Variants in MELTF observed in about 807,000 individuals in gnomAD.
MELTF encodes melanotransferrin, also known as antigen p97 (melanoma associated) identified by monoclonal antibodies 133.2 and 96.5.
A neutral mutation model predicts 83.7 loss-of-function variants in MELTF; 67 were observed. The ratio of observed to expected loss-of-function variants is 0.80; its 90% CI spans 0.66 to 0.98. MELTF has a LOEUF of 0.98. Ranked by LOEUF, MELTF falls within the 50% of genes least tolerant of loss-of-function variation. The pLI is 0.00. For synonymous variants in MELTF, 462 were observed against 447.6 expected (o/e 1.03, Z -0.41); for missense variants, 1,002 against 1,035.6 (o/e 0.97, Z 0.44).
In MELTF at chr3:197,016,089, C is replaced by T. The variant is rs1185637306; in HGVS notation, c.1081+100G>A. 3.7e-6 allele frequency: 4 copies of T among 1,094,848 alleles called. No homozygotes were observed. In the East Asian group the frequency reaches 8.7e-5, roughly 24 times the overall value. The allele number at this position is 1,094,848 out of a possible 1,614,324, so 67.8% of individuals were successfully genotyped here. A position where few individuals can be genotyped will look rare whatever the true frequency, so the allele number is the denominator to read the frequency against. On this transcript the variant is annotated intron_variant, in intron 8 of 15. Transcript: ENST00000296350. ...AATGACAGGTTCCCGCAGAGGCCTCCCTGGTGAGCGTCTTCCCCCGGCCAC... is the reference window on the plus strand; with the variant it reads ...AATGACAGGTTCCCGCAGAGGCCTCTCTGGTGAGCGTCTTCCCCCGGCCAC...
chr3:197,003,221 T>G lies in MELTF; in HGVS notation c.*151A>C. ...CGGCGCCTCAGGTAGCAGCGCCAGG[T>G]GGCGCCCGTGGGCGGCGGGGCTCCC... On this transcript the variant is annotated 3_prime_UTR_variant, in exon 16 of 16. Coordinates refer to ENST00000296350, the MANE Select transcript of MELTF (RefSeq NM_005929.6). The surrounding 1 kb of genome is among the most constrained non-coding windows in gnomAD (Gnocchi z 6.2). The G allele has an allele frequency of 1.2e-6, 1 of 868,522 alleles. No homozygotes were observed. Among genetic ancestry groups the G allele is most frequent in the Non-Finnish European group, 1.4e-6 (1 of 717,574 alleles). 53.8% of individuals were successfully genotyped at this position (868,522 alleles called of 1,614,324 possible).
At position 197,008,364 on chromosome 3, in the gene MELTF, A is replaced by AG. The variant is rs1485419700; in HGVS notation, c.1750+292dup. ...TTGGCACTACATCAATACTCCCAGA[A>AG]GGGGGTCTTTCCAGATTGACTGGGA... On this transcript the variant is annotated intron_variant, in intron 13 of 15. Coordinates refer to ENST00000296350, the MANE Select transcript of MELTF (RefSeq NM_005929.6). This position sits in a 1 kb window ranked among gnomAD's most constrained non-coding sequence, Gnocchi z 5.4. Among the ~76,000 whole-genome samples, 2 of 152,158 alleles carry AG rather than the reference A, an allele frequency of 1.3e-5. No homozygotes were observed. Among genetic ancestry groups the AG allele is most frequent in the Non-Finnish European group, 2.9e-5 (2 of 68,020 alleles).
chr3:197,004,222 C>G, intron 14 of MELTF, 123 bp from the exon 15 acceptor site: 1 of 899,210 alleles, frequency 1.1e-6, no homozygotes, highest in Non-Finnish European at 1.8e-6. Flanking sequence ...TTTCAGGGCC[C>G]CACCACTCTG....
rs768084811 is a variant in MELTF, at chr3:197,024,498, G to C, written c.305-13C>G. On this transcript the variant is annotated splice_polypyrimidine_tract_variant and intron_variant, in intron 3 of 15. Transcript: ENST00000296350. The surrounding 1 kb of genome is among the most constrained non-coding windows in gnomAD (Gnocchi z 5.3). ...GAGGTACCGACCTCTAGGAGGGGAGGGGAGTGGGTGAGGGCAGCAGGGAGA... is the reference window on the plus strand; with the variant it reads ...GAGGTACCGACCTCTAGGAGGGGAGCGGAGTGGGTGAGGGCAGCAGGGAGA... 1 of 1,561,848 alleles carries C rather than the reference G, an allele frequency of 6.4e-7. No homozygotes were observed. The highest frequency in any genetic ancestry group is 8.7e-7 in the Non-Finnish European group (1 of 1,146,304).
In MELTF at chr3:197,007,023, G is replaced by A. The variant is rs1234410157; in HGVS notation, c.1751-287C>T. ...GTTGCTTGATCCCCACAACAGTAAC[G>A]CAGGGTAGGTGTTTTTGTCCCCATT... On this transcript the variant is annotated intron_variant, in intron 13 of 15. Coordinates refer to ENST00000296350, the MANE Select transcript of MELTF (RefSeq NM_005929.6). This position sits in a 1 kb window ranked among gnomAD's most constrained non-coding sequence, Gnocchi z 4.3. Among the ~76,000 whole-genome samples, 1 of 152,136 alleles carries A rather than the reference G, an allele frequency of 6.6e-6. No individual in the cohort carries two copies. Among genetic ancestry groups the A allele is most frequent in the Admixed American group, 6.5e-5 (1 of 15,282 alleles).
At position 197,003,230 on chromosome 3, in the gene MELTF, T is replaced by C. The variant is rs1577921749; in HGVS notation, c.*142A>G. On this transcript the variant is annotated 3_prime_UTR_variant, in exon 16 of 16. Coordinates refer to ENST00000296350, the MANE Select transcript of MELTF (RefSeq NM_005929.6). The surrounding 1 kb of genome is among the most constrained non-coding windows in gnomAD (Gnocchi z 6.2). ...AGGTAGCAGCGCCAGGTGGCGCCCGTGGGCGGCGGGGCTCCCGGGGAGGCG... is the reference window on the plus strand; with the variant it reads ...AGGTAGCAGCGCCAGGTGGCGCCCGCGGGCGGCGGGGCTCCCGGGGAGGCG... 1 of 933,258 alleles carries C rather than the reference T, an allele frequency of 1.1e-6. No homozygotes were observed. Among genetic ancestry groups the C allele is most frequent in the Non-Finnish European group, 1.3e-6 (1 of 776,176 alleles). 57.8% of individuals were successfully genotyped at this position (933,258 alleles called of 1,614,324 possible). A position where few individuals can be genotyped will look rare whatever the true frequency, so the allele number is the denominator to read the frequency against.
Position 197,023,095 on chromosome 3 carries a change from C to T in MELTF, c.506G>A (p.Gly169Glu). The T allele has an allele frequency of 6.2e-7, 1 of 1,613,722 alleles. No individual in the cohort carries two copies. Among genetic ancestry groups the T allele is most frequent in the Non-Finnish European group, 8.5e-7 (1 of 1,180,016 alleles). Residue 169 changes from glycine to glutamate, a missense_variant, in exon 5 of 16, where the codon GGG becomes GAG. Transcript: ENST00000296350. Reference protein sequence around the residue: ...DVLKAVSDYFGGSCVPGAGET... With the variant: ...DVLKAVSDYFEGSCVPGAGET... Reference sequence around the variant, plus strand: ...TCCTGCCCCCGGGACGCAGCTGCCCCCAAAATAGTCGCTGACAGCTGTGGG... The same window carrying T: ...TCCTGCCCCCGGGACGCAGCTGCCCTCAAAATAGTCGCTGACAGCTGTGGG...
chr3:197,011,652 C>T lies in MELTF; in HGVS notation c.1234-858G>A, dbSNP rs1296151385. 6.6e-6 allele frequency among the ~76,000 whole-genome samples: 1 copy of T among 152,136 alleles called. No individual in the cohort carries two copies. The highest frequency in any genetic ancestry group is 1.5e-5 in the Non-Finnish European group (1 of 68,004). On this transcript the variant is annotated intron_variant, in intron 9 of 15. Coordinates refer to ENST00000296350, the MANE Select transcript of MELTF (RefSeq NM_005929.6). The surrounding 1 kb of genome is among the most constrained non-coding windows in gnomAD (Gnocchi z 4.2). Reference sequence around the variant, plus strand: ...GGGGCCCTTTTTCCACCACTCAGACCTCCCCCTTCCTATTGTGCTGTCGGG... The same window carrying T: ...GGGGCCCTTTTTCCACCACTCAGACTTCCCCCTTCCTATTGTGCTGTCGGG...
intron 1 of MELTF, 191 bp from the exon 2 acceptor site, chr3:197,028,101 C>T: frequency 1.6e-6 from 1 of 627,300 alleles, no homozygotes; most frequent in Non-Finnish European, 2.7e-6. Flanking sequence ...GTGCTCAGGG[C>T]CTCTCTGACC....
rs763232003 is a variant in MELTF at position 197,006,609 on chromosome 3, G to A, written c.1878C>T (p.Ala626=). 2.7e-5 allele frequency: 43 copies of A among 1,612,370 alleles called. No homozygotes were observed. Among genetic ancestry groups the A allele is most frequent in the Non-Finnish European group, 3.4e-5 (40 of 1,179,314 alleles). The change falls in exon 14 of 16, where the codon GCC becomes GCT. Residue 626 remains alanine (A), a synonymous_variant. Coordinates refer to ENST00000296350, the MANE Select transcript of MELTF (RefSeq NM_005929.6). The surrounding 1 kb of genome is among the most constrained non-coding windows in gnomAD (Gnocchi z 5.4). The part of the protein sequence containing the change: ...ACNLAQIPPH[A]VMVRPDTNIF... ...TGTTGGTGTCGGGCCGGACCATCAC[G>A]GCGTGGGGTGGTATCTGTGCCAGGT...
At chr3:197,009,136 G>C (rs1346091184) in intron 11 of MELTF, among the ~76,000 whole-genome samples, 171 bp from the exon 12 acceptor site, 1 of 152,180 alleles carries the variant, frequency 6.6e-6, no homozygotes, top group Non-Finnish European at 1.5e-5. Flanking sequence ...GAGGATCTCA[G>C]TGCGGGGAAT....
rs367835910 is a variant in MELTF at position 197,008,817 on chromosome 3, G to A, written c.1674C>T (p.Gly558=). The A allele has an allele frequency of 7.0e-5, 113 of 1,614,024 alleles. No individual in the cohort carries two copies. Among genetic ancestry groups the A allele is most frequent in the Middle Eastern group, 4.9e-4 (3 of 6,084 alleles). ...NSQERYYGYR[G]AFRCLVENAG... Reference sequence around the variant, plus strand: ...CCAGGCCACCCGGGTACCTGAAGGCGCCGCGGTAGCCGTAATACCGCTCCT... The same window carrying A: ...CCAGGCCACCCGGGTACCTGAAGGCACCGCGGTAGCCGTAATACCGCTCCT... Residue 558 remains glycine, a synonymous_variant, in exon 12 of 16, where the codon GGC becomes GGT. Coordinates refer to ENST00000296350, the MANE Select transcript of MELTF (RefSeq NM_005929.6). This position sits in a 1 kb window ranked among gnomAD's most constrained non-coding sequence, Gnocchi z 5.4.
chr3:197,009,812 G>A lies in MELTF; in HGVS notation c.1331C>T (p.Pro444Leu), dbSNP rs149714057. Residue 444 changes from proline (P) to leucine (L), a missense_variant and splice_region_variant, in exon 11 of 16, where the codon CCG becomes CTG. Transcript: ENST00000296350. ...LVPAAGEHYAPEDSSNSYYVV... is the reference protein window; with the variant it reads ...LVPAAGEHYALEDSSNSYYVV... ...GTAGTACGAGTTGCTGCTGTCTTCC[G>A]CTGGGGAGAGAGGGACTCACGTGAG... 315 of 1,607,218 alleles carry A rather than the reference G, an allele frequency of 2.0e-4. No individual in the cohort carries two copies. Among genetic ancestry groups the A allele is most frequent in the Admixed American group, 4.2e-4 (25 of 59,904 alleles).
At chr3:197,023,901 C>T (rs1237974633) in intron 4 of MELTF, 14 of 464,818 alleles carry the variant, frequency 3.0e-5, no homozygotes, top group East Asian at 6.7e-5. Flanking sequence ...GTCGGCACCT[C>T]GTTTGGGTCC....
At chr3:197,023,468 G>A (rs547165848) in intron 4 of MELTF, among the ~76,000 whole-genome samples, 1 of 152,208 alleles carries the variant, frequency 6.6e-6, no homozygotes, top group Non-Finnish European at 1.5e-5. Context: ...GGGAAATAAA[G>A]AATTATTGAA....
intron 6 of MELTF, among the ~76,000 whole-genome samples, chr3:197,018,196 G>A (rs913170301): frequency 6.6e-6 from 1 of 152,154 alleles, no homozygotes; most frequent in Non-Finnish European, 1.5e-5. Flanking sequence ...CGCCCAGGCT[G>A]GAGTGCAGTG....
chr3:197,008,867 G>A lies in MELTF; in HGVS notation c.1624C>T (p.Arg542Cys), dbSNP rs200443108. The A allele has an allele frequency of 5.8e-5, 93 of 1,614,042 alleles. 1 individual carries two copies. The highest frequency in any genetic ancestry group is 1.6e-4 in the Middle Eastern group (1 of 6,084). The change falls in exon 12 of 16, where the codon CGC becomes TGC. Residue 542 changes from arginine to cysteine, a missense_variant. By Grantham distance (180) the Arg-to-Cys change is radical (BLOSUM62 -3). Coordinates refer to ENST00000296350, the MANE Select transcript of MELTF (RefSeq NM_005929.6). The surrounding 1 kb of genome is among the most constrained non-coding windows in gnomAD (Gnocchi z 5.4). ...CALCVGDEQG[R>C]NKCVGNSQER... Reference sequence around the variant, plus strand: ...TGGCTGTTGCCCACACACTTGTTGCGGCCCTGCTCGTCCCCCACGCACAGT... The same window carrying A: ...TGGCTGTTGCCCACACACTTGTTGCAGCCCTGCTCGTCCCCCACGCACAGT...
chr3:197,012,055 G>A (rs552982032), intron 9 of MELTF, among the ~76,000 whole-genome samples: 84 of 152,348 alleles, frequency 5.5e-4, no homozygotes, highest in African/African-American at 1.8e-3. Flanking sequence ...TTCCGGTGGA[G>A]GTTCCTCTGT....
intron 6 of MELTF, among the ~76,000 whole-genome samples, chr3:197,017,975 G>A (rs1428957157): frequency 1.3e-5 from 2 of 151,912 alleles, no homozygotes; most frequent in Non-Finnish European, 2.9e-5. Context: ...TCTGAGCAGG[G>A]GGCAGGGGGC....
Sources: allele counts gnomAD v4.1 joint callset (sites outside exome capture counted in the v4.1 genomes callset), GRCh38; gene constraint gnomAD v4.1.1; non-coding constraint Gnocchi (gnomAD v3.1); transcripts MANE v1.5; gene names NCBI Gene and HGNC (gene_info 2026-07-23, HGNC 2026-07-21).